The following OR7C1 variants were observed in gnomAD, a reference collection of about 807,000 sequenced individuals.
OR7C1 encodes the protein olfactory receptor 7C1.
For synonymous variants in OR7C1, 152 were observed against 160.7 expected, an observed-to-expected ratio of 0.95 and a Z score of 0.41; for missense variants, 324 against 383.3, an observed-to-expected ratio of 0.85 and a Z score of 1.29.
intron 1 of OR7C1, chr19:14,825,054 T>C (rs959919311): frequency 6.6e-6 from 1 of 152,132 alleles, no homozygotes; most frequent in Non-Finnish European, 1.5e-5. Context: ...CAGAGCAAGA[T>C]GTCATCTCTA....
intron 1 of OR7C1, chr19:14,827,411 C>T: frequency 6.2e-7 from 1 of 1,614,098 alleles, no homozygotes; most frequent in South Asian, 1.1e-5. Flanking sequence ...CCACAGTGTA[C>T]ATCACTGAGG....
chr19:14,823,222 A>G (rs998022956), intron 1 of OR7C1, among the ~76,000 whole-genome samples: 21 of 152,120 alleles, frequency 1.4e-4, no homozygotes, highest in African/African-American at 4.8e-4. Context: ...GGAGGCTGAG[A>G]CGGTCAGATC....
At chr19:14,801,258 G>GTTCTTTTCACACATT (rs1305701175) in intron 2 of OR7C1, among the ~76,000 whole-genome samples, 1 of 152,118 alleles carries the variant, frequency 6.6e-6, no homozygotes, top group African/African-American at 2.4e-5. Flanking sequence ...CTATCTGCAT[G>GTTCTTTTCACACATT]GAGTTGATAC....
intron 1 of OR7C1, among the ~76,000 whole-genome samples, chr19:14,831,678 C>T (rs904197544): frequency 2.0e-5 from 3 of 151,958 alleles, no homozygotes; most frequent in South Asian, 2.1e-4. Flanking sequence ...CTCCTGACCT[C>T]GTGATCCGCC....
chr19:14,824,595 C>A (rs2044756496), intron 1 of OR7C1: 1 of 152,132 alleles, frequency 6.6e-6, no homozygotes, highest in African/African-American at 2.4e-5. Context: ...CTGGTGTGTA[C>A]ATACTACATT....
chr19:14,830,459 A>G (rs2044820150), intron 1 of OR7C1, among the ~76,000 whole-genome samples: 1 of 151,320 alleles, frequency 6.6e-6, no homozygotes, highest in African/African-American at 2.4e-5. Context: ...ACTGACTCCA[A>G]GGAGACAAAG....
At chr19:14,828,100 C>T (rs2044791972) in intron 1 of OR7C1, 1 of 1,613,950 alleles carries the variant, frequency 6.2e-7, no homozygotes, top group Non-Finnish European at 8.5e-7. Context: ...GAGATTGTGG[C>T]CAGGATGATG....
Position 14,815,873 on chromosome 19 carries a change from G to A in OR7C1, c.-622-5880C>T, listed in dbSNP as rs115838455. On this transcript the variant is annotated intron_variant, in intron 1 of 4. Transcript: ENST00000641666. ...GTCTTGCTCTGTTGCCCAGGCAGGC[G>A]TACAGTGGTGCAATCATGGCTCACT... Among the ~76,000 whole-genome samples the A allele has an allele frequency of 6.7e-4, 101 of 151,790 alleles. 1 individual carries two copies. Among genetic ancestry groups the A allele is most frequent in the Middle Eastern group, 6.8e-3 (2 of 294 alleles).
At chr19:14,808,980 ACATTTAAGATATTTTTCTTTGTTTTG>A (rs2044678575) in intron 2 of OR7C1, among the ~76,000 whole-genome samples, 1 of 151,914 alleles carries the variant, frequency 6.6e-6, no homozygotes, top group Non-Finnish European at 1.5e-5. Flanking sequence ...TTTGTCATAT[ACATTTAAGATATTTTTCTTTGTTTTG>A]CATATTGAGT....
At chr19:14,816,868 T>C (rs899359398) in intron 1 of OR7C1, among the ~76,000 whole-genome samples, 2 of 152,014 alleles carry the variant, frequency 1.3e-5, no homozygotes, top group African/African-American at 4.8e-5. Context: ...AAATAAATAA[T>C]TGGGTTCACC....
chr19:14,819,957 A>G (rs544677259), intron 1 of OR7C1, among the ~76,000 whole-genome samples: 48 of 152,244 alleles, frequency 3.2e-4, no homozygotes, highest in African/African-American at 8.9e-4. Flanking sequence ...CCCAGCCTGG[A>G]GTGCAGTGGC....
At chr19:14,819,472 C>T (rs533726935) in intron 1 of OR7C1, among the ~76,000 whole-genome samples, 1 of 152,226 alleles carries the variant, frequency 6.6e-6, no homozygotes, top group African/African-American at 2.4e-5. Context: ...CTTTCAGCTC[C>T]AGCCACATCC....
intron 1 of OR7C1, among the ~76,000 whole-genome samples, chr19:14,831,646 T>C (rs1334381745): frequency 1.3e-5 from 2 of 152,102 alleles, no homozygotes; most frequent in Admixed American, 6.6e-5. Context: ...GGTTTCACCA[T>C]GTTAGCCAGG....
intron 1 of OR7C1, among the ~76,000 whole-genome samples, chr19:14,816,216 A>C (rs1304572648): frequency 2.6e-5 from 4 of 152,152 alleles, no homozygotes; most frequent in Admixed American, 6.5e-5. Flanking sequence ...TCTTTTAAAA[A>C]GTTAAAGAAA....
intron 1 of OR7C1, among the ~76,000 whole-genome samples, chr19:14,831,580 C>T (rs982153961): frequency 6.6e-6 from 1 of 151,804 alleles, no homozygotes; most frequent in Non-Finnish European, 1.5e-5. Flanking sequence ...GAGTAGCTGG[C>T]ATTACAGGTG....
At chr19:14,834,569 G>T (rs1469865342) in intron 1 of OR7C1, among the ~76,000 whole-genome samples, 1 of 152,154 alleles carries the variant, frequency 6.6e-6, no homozygotes, top group African/African-American at 2.4e-5. Context: ...TAGCGTAAGA[G>T]AAAATCCTGC....
At chr19:14,808,102 A>T (rs1022436520) in intron 2 of OR7C1, among the ~76,000 whole-genome samples, 23 of 93,932 alleles carry the variant, frequency 2.4e-4, no homozygotes, top group Non-Finnish European at 3.2e-4. Context: ...AAAGAAATAA[A>T]AAAAAAAAAA....
intron 2 of OR7C1, among the ~76,000 whole-genome samples, 153 bp downstream of exon 2, chr19:14,809,653 G>A (rs142574956): frequency 2.6e-5 from 4 of 151,978 alleles, no homozygotes; most frequent in Non-Finnish European, 4.4e-5. Context: ...AGAGAGGACC[G>A]GCTGCAAGAA....
intron 1 of OR7C1, among the ~76,000 whole-genome samples, chr19:14,820,506 G>A (rs903951943): frequency 1.3e-5 from 2 of 151,798 alleles, no homozygotes; most frequent in Admixed American, 6.6e-5. Flanking sequence ...CATGGCACAT[G>A]TATAGCTATG....
Sources: allele counts gnomAD v4.1 joint callset (sites outside exome capture counted in the v4.1 genomes callset), GRCh38; gene constraint gnomAD v4.1.1; transcripts MANE v1.5; gene names NCBI Gene and HGNC (gene_info 2026-07-23, HGNC 2026-07-21).